The following FMR1 variants were observed in gnomAD, a reference collection of about 807,000 sequenced individuals.
FMR1 encodes the protein FMRP translational regulator 1.
In FMR1, 13 loss-of-function variants were observed where a neutral mutation model predicts 50.6. The ratio of observed to expected loss-of-function variants is 0.26; its 90% CI spans 0.17 to 0.41. FMR1 has a LOEUF of 0.41. Among genes scored for constraint, FMR1 ranks in the 10% least tolerant of loss-of-function variants. The pLI, the probability that FMR1 is intolerant of heterozygous loss-of-function variation, is 1.00. For missense variants in FMR1, 316 were observed against 491.3 expected (o/e 0.64, Z 3.37); for synonymous variants, 138 against 164.1 (o/e 0.84, Z 1.22).
At chrX:147,942,972 A>G (rs1446815937) in intron 13 of FMR1, among the ~76,000 whole-genome samples, 159 bp from the exon 14 acceptor site, 1 of 112,358 alleles carries the variant, frequency 8.9e-6, no homozygotes, top group Non-Finnish European at 1.9e-5. Context: ...TTTTAAGGAG[A>G]TCATTCAATT....
intron 7 of FMR1, among the ~76,000 whole-genome samples, chrX:147,930,533 A>G (rs1458749662): frequency 1.8e-5 from 2 of 111,840 alleles, no homozygotes; most frequent in African/African-American, 6.5e-5. Flanking sequence ...TCCATATAAC[A>G]TGTTGTCATT....
chrX:147,918,600 A>T (rs1464179798), intron 1 of FMR1, among the ~76,000 whole-genome samples: 1 of 76,415 alleles, frequency 1.3e-5, no homozygotes, highest in Non-Finnish European at 2.3e-5. Context: ...CAGCACTTGC[A>T]GATCTTCCTC....
intron 12 of FMR1, chrX:147,940,181 A>AG (rs1557180482): frequency 1.8e-5 from 2 of 108,881 alleles, no homozygotes; most frequent in Non-Finnish European, 3.7e-5. Flanking sequence ...AAAAAAAAAC[A>AG]AAAAAGAAAA....
intron 13 of FMR1, among the ~76,000 whole-genome samples, chrX:147,941,166 C>T (rs1557180829): frequency 1.8e-5 from 2 of 111,689 alleles, no homozygotes; most frequent in Non-Finnish European, 1.9e-5. Context: ...TAGTGTGATG[C>T]GGTTATGCCT....
intron 14 of FMR1, chrX:147,944,448 C>T: frequency 5.3e-6 from 4 of 753,357 alleles, no homozygotes; most frequent in Non-Finnish European, 6.3e-6. Context: ...ATATACATTC[C>T]CCTCTGTCCT....
intron 7 of FMR1, 133 bp from the exon 8 acceptor site, chrX:147,932,288 TGTTA>T: frequency 3.6e-6 from 2 of 549,125 alleles, no homozygotes; most frequent in Non-Finnish European, 3.1e-6. Flanking sequence ...TTCTAAAACC[TGTTA>T]GTTTTAACCT....
intron 9 of FMR1, chrX:147,933,314 T>C: frequency 2.3e-6 from 1 of 428,325 alleles, no homozygotes; most frequent in Non-Finnish European, 3.6e-6. Context: ...ATGAATGATA[T>C]TTGGGGACTT....
chrX:147,940,770 G>A, intron 13 of FMR1, 108 bp downstream of exon 13: 1 of 516,015 alleles, frequency 1.9e-6, no homozygotes, highest in South Asian at 2.9e-5. Flanking sequence ...GCAAAACACT[G>A]TATGACTTGT....
At chrX:147,918,473 T>A (rs1330988831) in intron 1 of FMR1, among the ~76,000 whole-genome samples, 5 of 107,918 alleles carry the variant, frequency 4.6e-5, no homozygotes, top group Admixed American at 1.0e-4. Context: ...CCTGTTGGGC[T>A]CTGATGATTA....
Position 147,950,816 on chromosome X carries a change from A to G in FMR1, c.*1972A>G, listed in dbSNP as rs985100398. On this transcript the variant is annotated 3_prime_UTR_variant, in exon 17 of 17. Transcript: ENST00000370475. Reference sequence around the variant, plus strand: ...CTTGTTTAATAAAGCGAAAAACTCAACCAAATGGTACAAAACCACAGTGTA... The same window carrying G: ...CTTGTTTAATAAAGCGAAAAACTCAGCCAAATGGTACAAAACCACAGTGTA... 11 of 305,558 alleles carry G rather than the reference A, an allele frequency of 3.6e-5. No individual in the cohort carries two copies. Among genetic ancestry groups the G allele is most frequent in the African/African-American group, 2.2e-4 (8 of 36,529 alleles). 25.2% of individuals were successfully genotyped at this position (305,558 alleles called of 1,213,427 possible).
intron 12 of FMR1, among the ~76,000 whole-genome samples, chrX:147,939,112 AT>A (rs1486769452): frequency 8.9e-6 from 1 of 112,405 alleles, no homozygotes; most frequent in East Asian, 2.8e-4. Flanking sequence ...ATCACATGGT[AT>A]TTTGGGAAAT....
chrX:147,916,096 G>A (rs892858367), intron 1 of FMR1, among the ~76,000 whole-genome samples: 2 of 111,952 alleles, frequency 1.8e-5, no homozygotes, highest in Admixed American at 1.9e-4. Flanking sequence ...GAACCTTGGC[G>A]CTGTACTTCT....
chrX:147,943,445 A>G (rs1201159456), intron 14 of FMR1, 119 bp downstream of exon 14: 6 of 645,496 alleles, frequency 9.3e-6, no homozygotes, highest in Non-Finnish European at 1.5e-5. Flanking sequence ...TCCAATTCAC[A>G]GTGGGTTAAA....
chrX:147,933,223 A>G (rs2043668842), intron 9 of FMR1, among the ~76,000 whole-genome samples: 2 of 110,937 alleles, frequency 1.8e-5, no homozygotes, highest in South Asian at 3.8e-4. Context: ...GTTCAAACCT[A>G]CTAATACCTG....
chrX:147,944,976 C>T lies in FMR1; in HGVS notation c.1579C>T (p.Arg527Cys), dbSNP rs782089884. Residue 527 changes from arginine (R) to cysteine (C), a missense_variant, in exon 15 of 17, where the codon CGC becomes TGC. By Grantham distance (180) the Arg-to-Cys change is radical (BLOSUM62 -3). Coordinates refer to ENST00000370475, the MANE Select transcript of FMR1 (RefSeq NM_002024.6). ...AGAGGAAGAGAGGGAGAGCTTCCTGCGCAGAGGAGACGGACGGCGGCGTGG... is the reference window on the plus strand; with the variant it reads ...AGAGGAAGAGAGGGAGAGCTTCCTGTGCAGAGGAGACGGACGGCGGCGTGG... ...PTEEERESFL[R>C]RGDGRRRGGG... The T allele has an allele frequency of 4.1e-5, 49 of 1,203,128 alleles. No individual in the cohort carries two copies. Among genetic ancestry groups the T allele is most frequent in the Non-Finnish European group, 4.7e-5 (42 of 891,871 alleles).
chrX:147,936,381 T>A (rs947018350), intron 9 of FMR1, 123 bp from the exon 10 acceptor site: 68 of 488,526 alleles, frequency 1.4e-4, no homozygotes, highest in Non-Finnish European at 2.2e-4. Flanking sequence ...ATCTTACAAT[T>A]CAATACATAC....
intron 15 of FMR1, 119 bp downstream of exon 15, chrX:147,945,170 G>A: frequency 3.8e-6 from 4 of 1,045,482 alleles, no homozygotes; most frequent in Non-Finnish European, 5.2e-6. Context: ...GTTTTGTGCT[G>A]ATACCATAGG....
intron 9 of FMR1, among the ~76,000 whole-genome samples, chrX:147,936,002 C>A (rs1011366196): frequency 1.8e-5 from 2 of 112,033 alleles, no homozygotes; most frequent in African/African-American, 6.5e-5. Context: ...TATAAATGTG[C>A]CTTCCATACA....
In FMR1 at chrX:147,938,089, A is replaced by G. The variant is rs1569545886; in HGVS notation, c.1126-10A>G. 1.7e-6 allele frequency: 2 copies of G among 1,197,854 alleles called. No individual in the cohort carries two copies. The highest frequency in any genetic ancestry group is 5.9e-5 in the East Asian group (2 of 33,811). On this transcript the variant is annotated splice_polypyrimidine_tract_variant and intron_variant, in intron 11 of 16. Coordinates refer to ENST00000370475, the MANE Select transcript of FMR1 (RefSeq NM_002024.6). Reference sequence around the variant, plus strand: ...TAATGACATCCCTTGCATTCCTTATACTGCTTTAGGTGTTAGTGGCTTCAT... The same window carrying G: ...TAATGACATCCCTTGCATTCCTTATGCTGCTTTAGGTGTTAGTGGCTTCAT...
Sources: gnomAD v4.1 joint callset for allele counts (sites outside exome capture counted in the v4.1 genomes callset) on GRCh38, gnomAD v4.1.1 for gene constraint, MANE v1.5 for transcripts, NCBI Gene and HGNC (gene_info 2026-07-23, HGNC 2026-07-21) for gene names.